Variants in NPC1 observed in about 807,000 individuals in gnomAD.
NPC1 encodes the protein NPC intracellular cholesterol transporter 1.
Under a neutral mutation model 140.4 loss-of-function variants are expected in NPC1, and 85 were observed. The observed-to-expected ratio is 0.61, with a 90% CI of 0.51 to 0.72. NPC1 has a LOEUF of 0.72. Ranked by LOEUF, NPC1 falls within the 30% of genes least tolerant of loss-of-function variation. The pLI is 0.00. For synonymous variants in NPC1, 656 were observed against 624.8 expected, an observed-to-expected ratio of 1.05 and a Z score of -0.74; for missense variants, 1,504 against 1,623.8, an observed-to-expected ratio of 0.93 and a Z score of 1.27.
chr18:23,546,937 C>T (rs544836972), intron 11 of NPC1, among the ~76,000 whole-genome samples: 75 of 152,204 alleles, frequency 4.9e-4, no homozygotes, highest in African/African-American at 1.7e-3. Flanking sequence ...TGCACATACA[C>T]GTGAATATAG....
intron 7 of NPC1, 130 bp from the exon 8 acceptor site, chr18:23,556,743 C>T (rs1302598839): frequency 4.9e-6 from 7 of 1,419,744 alleles, no homozygotes; most frequent in South Asian, 1.2e-5. Flanking sequence ...ATATGAGACC[C>T]CTGCCCTCAG....
intron 3 of NPC1, among the ~76,000 whole-genome samples, chr18:23,571,355 G>GA (rs561119377): frequency 4.0e-5 from 6 of 151,772 alleles, no homozygotes; most frequent in African/African-American, 1.2e-4. Context: ...CTCATCTCTA[G>GA]AAAAAAATAA....
At chr18:23,545,182 TAAAC>T (rs779033486) in intron 11 of NPC1, 33 bp from the exon 12 acceptor site, 12 of 1,458,894 alleles carry the variant, frequency 8.2e-6, no homozygotes, top group Non-Finnish European at 1.2e-5. Context: ...TATTTTTAGT[TAAAC>T]TAACTGACAG....
Position 23,572,314 on chromosome 18 carries a change from CA to C in NPC1, c.181-135del, listed in dbSNP as rs1312747952. On this transcript the variant is annotated intron_variant, in intron 2 of 24. Coordinates refer to ENST00000269228, the MANE Select transcript of NPC1 (RefSeq NM_000271.5). ...AAGGGTAAGACACATCCTGTATTTG[CA>C]AAGTTATTATAGAATTATTTTAAAA... is the stretch of plus-strand genomic sequence containing the variant. 31 of 673,330 alleles carry C rather than the reference CA, an allele frequency of 4.6e-5. No homozygotes were observed. The Admixed American group carries it at 5.6e-4, about 12-fold the overall frequency. The allele number at this position is 673,330 out of a possible 1,614,324, so 41.7% of individuals were successfully genotyped here. A position where few individuals can be genotyped will look rare whatever the true frequency, so the allele number is the denominator to read the frequency against.
rs775077140 is a variant in NPC1, at chr18:23,541,169, C to T, written c.2413G>A (p.Glu805Lys). The T allele has an allele frequency of 8.1e-6, 13 of 1,614,094 alleles. No homozygotes were observed. In the East Asian group the frequency reaches 2.9e-4, roughly 36 times the overall value. ...LDIFCCVRGA[E>K]DGTSVQASES... ...GAGGCCTGGACGCTTGTTCCATCTT[C>T]AGCACCTCTGACACAGCAAAAGATG... The change falls in exon 16 of 25, where the codon GAA becomes AAA. Residue 805 changes from glutamate to lysine, a missense_variant. By Grantham distance (56) the Glu-to-Lys change is moderately conservative. Transcript: ENST00000269228.
At chr18:23,546,248 C>CAAAAAAAAAAAAAAAA (rs60021403) in intron 11 of NPC1, among the ~76,000 whole-genome samples, 1 of 45,548 alleles carries the variant, frequency 2.2e-5, no homozygotes, top group African/African-American at 1.0e-4. Context: ...GACTCTGTCT[C>CAAAAAAAAAAAAAAAA]AAAAAAAAAA....
intron 3 of NPC1, 52 bp from the exon 4 acceptor site, chr18:23,569,050 G>T: frequency 1.6e-6 from 2 of 1,256,318 alleles, no homozygotes; most frequent in Non-Finnish European, 2.3e-6. Context: ...AATAGGGCCA[G>T]CAAGAACGAT....
chr18:23,559,922 C>T (rs887622759), intron 6 of NPC1, among the ~76,000 whole-genome samples: 4 of 151,852 alleles, frequency 2.6e-5, no homozygotes, highest in Admixed American at 2.6e-4. Context: ...CACACCACTG[C>T]ACTTCAGCCT....
chr18:23,523,543 C>CAAAAAAAAAAAAAAA (rs374224848), intron 1 of NPC1, among the ~76,000 whole-genome samples: 1 of 76,384 alleles, frequency 1.3e-5, no homozygotes, highest in Admixed American at 1.6e-4. Context: ...CTTGTCTTCA[C>CAAAAAAAAAAAAAAA]AAAAAAAAAA....
chr18:23,572,732 G>A (rs1409592278), intron 2 of NPC1, among the ~76,000 whole-genome samples: 2 of 152,156 alleles, frequency 1.3e-5, no homozygotes, highest in African/African-American at 4.8e-5. Context: ...TACTTGGGAC[G>A]CTGAGTTGAG....
At position 23,531,496 on chromosome 18, in the gene NPC1, A is replaced by AACTT. The variant is rs1598925302; in HGVS notation, c.*702_*705dup. The AACTT allele has an allele frequency of 4.8e-6, 7 of 1,471,300 alleles. No homozygotes were observed. The highest frequency in any genetic ancestry group is 6.3e-6 in the Non-Finnish European group (7 of 1,118,712). 91.1% of individuals were successfully genotyped at this position (1,471,300 alleles called of 1,614,324 possible). A position where few individuals can be genotyped will look rare whatever the true frequency, so the allele number is the denominator to read the frequency against. ...CTCAAAGCAGATAGGGTAACCCCAAAACTTAGGAAAACAATGTATTTTATT... is the reference window on the plus strand; with the variant it reads ...CTCAAAGCAGATAGGGTAACCCCAAAACTTACTTAGGAAAACAATGTATTTTATT... On this transcript the variant is annotated 3_prime_UTR_variant, in exon 25 of 25. Coordinates refer to ENST00000269228, the MANE Select transcript of NPC1 (RefSeq NM_000271.5).
At chr18:23,535,378 C>A in intron 22 of NPC1, 91 bp downstream of exon 22, 1 of 940,464 alleles carries the variant, frequency 1.1e-6, no homozygotes, top group Non-Finnish European at 1.7e-6. Context: ...GTATCTTACT[C>A]CATCTTTAGG....
In NPC1 at chr18:23,575,767, A is replaced by AC. The variant is rs1200504622; in HGVS notation, c.58-2194dup. On this transcript the variant is annotated intron_variant, in intron 1 of 24. Transcript: ENST00000269228. ...ATCTTCTAGAGACACAGCAGAGAAGACCAAAAAAAAAAAAAAAAAAAAAAA... is the reference window on the plus strand; with the variant it reads ...ATCTTCTAGAGACACAGCAGAGAAGACCCAAAAAAAAAAAAAAAAAAAAAAA... 4.7e-5 allele frequency among the ~76,000 whole-genome samples: 6 copies of AC among 127,602 alleles called. 1 individual carries two copies. The highest frequency in any genetic ancestry group is 2.3e-4 in the Admixed American group (3 of 13,220). The allele number at this position is 127,602 out of a possible 152,430, so 83.7% of individuals were successfully genotyped here. A position where few individuals can be genotyped will look rare whatever the true frequency, so the allele number is the denominator to read the frequency against.
At chr18:23,581,173 G>A (rs1567987889) in intron 1 of NPC1, among the ~76,000 whole-genome samples, 1 of 152,206 alleles carries the variant, frequency 6.6e-6, no homozygotes, top group Non-Finnish European at 1.5e-5. Context: ...GTGGGTGCCA[G>A]TATACACTGT....
In NPC1 at chr18:23,561,490, T is replaced by A. The variant is rs202148667; in HGVS notation, c.501A>T (p.Ser167=). 3 of 1,614,100 alleles carry A rather than the reference T, an allele frequency of 1.9e-6. No individual in the cohort carries two copies. The highest frequency in any genetic ancestry group is 1.7e-6 in the Non-Finnish European group (2 of 1,179,992). Residue 167 remains serine (S), a synonymous_variant, in exon 5 of 25, where the codon TCA becomes TCT. Transcript: ENST00000269228. The part of the protein sequence containing the change: ...YNACRDVEAP[S]SNDKALGLLC... ...GGAGTCCCAGGGCCTTGTCATTACTTGAGGGGGCCTCCACATCCCGGCAGG... is the reference window on the plus strand; with the variant it reads ...GGAGTCCCAGGGCCTTGTCATTACTAGAGGGGGCCTCCACATCCCGGCAGG...
intron 3 of NPC1, chr18:23,509,718 A>G (rs1410135583): frequency 1.3e-5 from 2 of 152,080 alleles, no homozygotes; most frequent in African/African-American, 4.8e-5. Flanking sequence ...ATGCATCACC[A>G]TGCCCGGGTA....
chr18:23,581,578 G>A (rs1379198815), intron 1 of NPC1, among the ~76,000 whole-genome samples: 1 of 151,996 alleles, frequency 6.6e-6, no homozygotes, highest in Non-Finnish European at 1.5e-5. Context: ...GATCGGATGT[G>A]ATAGCAATGG....
rs750659004 is a variant in NPC1, at chr18:23,531,694, C to A, written c.*508G>T. The A allele has an allele frequency of 2.7e-5, 44 of 1,609,180 alleles. No individual in the cohort carries two copies. Among genetic ancestry groups the A allele is most frequent in the Non-Finnish European group, 1.7e-6 (2 of 1,179,000 alleles). Reference sequence around the variant, plus strand: ...GGAGACCAAGCTCTAATGAGGCCTACAACATTCTGAAATCACTTGCTGTTT... The same window carrying A: ...GGAGACCAAGCTCTAATGAGGCCTAAAACATTCTGAAATCACTTGCTGTTT... On this transcript the variant is annotated 3_prime_UTR_variant, in exon 25 of 25. Coordinates refer to ENST00000269228, the MANE Select transcript of NPC1 (RefSeq NM_000271.5).
chr18:23,523,296 C>G (rs924262638), intron 1 of NPC1, among the ~76,000 whole-genome samples: 1 of 152,024 alleles, frequency 6.6e-6, no homozygotes, highest in Non-Finnish European at 1.5e-5. Context: ...CTGCATGGCT[C>G]ATGAGCAGTA....
Sources: gnomAD v4.1 joint callset for allele counts (sites outside exome capture counted in the v4.1 genomes callset) on GRCh38, gnomAD v4.1.1 for gene constraint, MANE v1.5 for transcripts, NCBI Gene and HGNC (gene_info 2026-07-23, HGNC 2026-07-21) for gene names.